TRIM24: variants seen among roughly 807,000 people sequenced by gnomAD.
The protein encoded by TRIM24 is tripartite motif containing 24, also known as transcription intermediary factor 1-alpha.
In TRIM24, 29 loss-of-function variants were observed where a neutral mutation model predicts 123.9. The observed-to-expected ratio is 0.23, with a 90% CI of 0.17 to 0.32. The LOEUF (loss-of-function observed/expected upper bound fraction) is 0.32, where lower values mean the gene tolerates loss of function less well. Among genes scored for constraint, TRIM24 ranks in the 10% least tolerant of loss-of-function variants. The probability of loss-of-function intolerance (pLI) is 1.00; values close to 1 mark genes in which losing one functional copy is unlikely to be tolerated. For missense variants in TRIM24, 932 were observed against 1,295.3 expected (o/e 0.72, Z 4.31); for synonymous variants, 456 against 461.1 (o/e 0.99, Z 0.14).
At chr7:138,482,192 CCTGT>C (rs1461554353) in intron 1 of TRIM24, among the ~76,000 whole-genome samples, 4 of 152,128 alleles carry the variant, frequency 2.6e-5, no homozygotes, top group African/African-American at 9.7e-5. Context: ...AAATTGTCCT[CCTGT>C]CTTGGTCTTG....
chr7:138,575,928 C>T (rs1173253342), intron 12 of TRIM24, among the ~76,000 whole-genome samples: 1 of 152,052 alleles, frequency 6.6e-6, no homozygotes, highest in Admixed American at 6.6e-5. Context: ...TTCTATCAGC[C>T]CGTACCACCT....
At position 138,585,961 on chromosome 7, in the gene TRIM24, G is replaced by A. The variant is rs747562135; in HGVS notation, c.*1010G>A. 2 of 504,470 alleles carry A rather than the reference G, an allele frequency of 4.0e-6. No individual in the cohort carries two copies. Among genetic ancestry groups the A allele is most frequent in the South Asian group, 2.9e-5 (2 of 70,008 alleles). 31.2% of individuals were successfully genotyped at this position (504,470 alleles called of 1,614,324 possible). A position where few individuals can be genotyped will look rare whatever the true frequency, so the allele number is the denominator to read the frequency against. On this transcript the variant is annotated 3_prime_UTR_variant, in exon 19 of 19. Coordinates refer to ENST00000343526, the MANE Select transcript of TRIM24 (RefSeq NM_015905.3). Reference sequence around the variant, plus strand: ...TAATTTGGAATGAAAATGTGTTGTAGGATTTTGGGAGCAGGCAGCTGGGGG... The same window carrying A: ...TAATTTGGAATGAAAATGTGTTGTAAGATTTTGGGAGCAGGCAGCTGGGGG...
chr7:138,568,049 G>A (rs1200792420), intron 10 of TRIM24, among the ~76,000 whole-genome samples: 1 of 152,120 alleles, frequency 6.6e-6, no homozygotes, highest in Non-Finnish European at 1.5e-5. Context: ...AGTTTCAAGA[G>A]GGAATACATA....
At chr7:138,545,610 A>T in intron 7 of TRIM24, 2 of 446,680 alleles carry the variant, frequency 4.5e-6, no homozygotes, top group Non-Finnish European at 4.5e-6. Flanking sequence ...GTATATGTCC[A>T]TCTGTATGTG....
At chr7:138,540,607 A>C (rs1197692755) in intron 7 of TRIM24, among the ~76,000 whole-genome samples, 1 of 152,174 alleles carries the variant, frequency 6.6e-6, no homozygotes, top group Admixed American at 6.5e-5. Context: ...CCACATCTGT[A>C]ATTCCTTCTT....
intron 1 of TRIM24, among the ~76,000 whole-genome samples, chr7:138,473,356 G>T (rs1206772956): frequency 6.6e-6 from 1 of 152,210 alleles, no homozygotes; most frequent in Non-Finnish European, 1.5e-5. Flanking sequence ...CTTACTGTAT[G>T]CAGACTGATG....
intron 11 of TRIM24, among the ~76,000 whole-genome samples, chr7:138,572,077 A>G (rs1563065022): frequency 6.6e-6 from 1 of 152,204 alleles, no homozygotes; most frequent in East Asian, 1.9e-4. Flanking sequence ...TGTGAAAATA[A>G]CTTTTTTATT....
intron 2 of TRIM24, 53 bp from the exon 3 acceptor site, chr7:138,515,159 A>G: frequency 6.3e-7 from 1 of 1,575,884 alleles, no homozygotes; most frequent in Non-Finnish European, 8.7e-7. Flanking sequence ...AGCTCGAGAT[A>G]GGACCACCTT....
intron 3 of TRIM24, among the ~76,000 whole-genome samples, chr7:138,516,597 CG>C (rs1796400816): frequency 4.6e-5 from 7 of 152,076 alleles, no homozygotes; most frequent in African/African-American, 1.7e-4. Context: ...TCAAGTAATC[CG>C]CCAGCCTTGG....
chr7:138,571,145 C>G (rs1421399829), intron 11 of TRIM24, 142 bp downstream of exon 11: 1 of 792,372 alleles, frequency 1.3e-6, no homozygotes, highest in African/African-American at 1.7e-5. Flanking sequence ...GCCTGGCCAA[C>G]ATGGTGAAAC....
intron 3 of TRIM24, among the ~76,000 whole-genome samples, chr7:138,516,418 T>C (rs906114136): frequency 9.2e-5 from 14 of 152,250 alleles, no homozygotes; most frequent in African/African-American, 3.4e-4. Flanking sequence ...CTAGCCGTAG[T>C]GCAGTGGCAC....
chr7:138,552,926 C>T (rs1797241182), intron 8 of TRIM24, among the ~76,000 whole-genome samples: 1 of 152,182 alleles, frequency 6.6e-6, no homozygotes, highest in Non-Finnish European at 1.5e-5. Flanking sequence ...GAACCCATCA[C>T]AAGATATAAA....
rs564993552 is a variant in TRIM24, at chr7:138,563,624, A to G, written c.1531-3857A>G. Among the ~76,000 whole-genome samples, 4 of 152,226 alleles carry G rather than the reference A, an allele frequency of 2.6e-5. No homozygotes were observed. The East Asian group carries it at 7.7e-4, about 29-fold the overall frequency. ...GCCTGCGAAATTTTTTAGCTTTTGCATCTTCCACCTGATGTCACCCTGGGC... is the reference window on the plus strand; with the variant it reads ...GCCTGCGAAATTTTTTAGCTTTTGCGTCTTCCACCTGATGTCACCCTGGGC... On this transcript the variant is annotated intron_variant, in intron 9 of 18. Coordinates refer to ENST00000343526, the MANE Select transcript of TRIM24 (RefSeq NM_015905.3).
chr7:138,464,054 G>C (rs1795077972), intron 1 of TRIM24, among the ~76,000 whole-genome samples: 1 of 137,322 alleles, frequency 7.3e-6, no homozygotes, highest in Admixed American at 8.2e-5. Flanking sequence ...GAGTGCAGTG[G>C]TGCGATCTCG....
chr7:138,497,493 T>C (rs1457865083), intron 1 of TRIM24, among the ~76,000 whole-genome samples: 1 of 146,348 alleles, frequency 6.8e-6, no homozygotes, highest in African/African-American at 2.6e-5. Flanking sequence ...CTCCACCTCC[T>C]GGGTTCAATC....
chr7:138,577,881 A>G lies in TRIM24; in HGVS notation c.2256+293A>G, dbSNP rs1797795653. On this transcript the variant is annotated intron_variant, in intron 14 of 18. Transcript: ENST00000343526. ...TCAGATTGACTTGAAGATTAACTAA[A>G]CATTTTCGTGCAAGTTCTCAAAATA... 2.6e-5 allele frequency among the ~76,000 whole-genome samples: 4 copies of G among 152,318 alleles called. No individual in the cohort carries two copies. The South Asian group carries it at 8.3e-4, about 32-fold the overall frequency.
chr7:138,574,025 A>G (rs1404341111), intron 12 of TRIM24, among the ~76,000 whole-genome samples: 1 of 152,196 alleles, frequency 6.6e-6, no homozygotes, highest in East Asian at 1.9e-4. Flanking sequence ...TTTCTGCCTT[A>G]GCCTCCCAAA....
chr7:138,549,843 G>T (rs1333158177), intron 7 of TRIM24, among the ~76,000 whole-genome samples: 1 of 152,198 alleles, frequency 6.6e-6, no homozygotes, highest in Middle Eastern at 3.4e-3. Context: ...GGCAAGACGG[G>T]GTGTGCTTTA....
chr7:138,571,859 CTA>C (rs1797663837), intron 11 of TRIM24, among the ~76,000 whole-genome samples: 1 of 138,272 alleles, frequency 7.2e-6, no homozygotes, highest in Non-Finnish European at 1.6e-5. Flanking sequence ...GCATGAGCCA[CTA>C]CACCCAGCCA....
Sources: allele counts gnomAD v4.1 joint callset (sites outside exome capture counted in the v4.1 genomes callset), GRCh38; gene constraint gnomAD v4.1.1; transcripts MANE v1.5; gene names NCBI Gene and HGNC (gene_info 2026-07-23, HGNC 2026-07-21).